Variants in VAV1 observed in about 807,000 individuals in gnomAD.
The protein encoded by VAV1 is proto-oncogene vav.
VAV1 carries 33 observed loss-of-function variants against 128.1 expected under a neutral mutation model. The ratio of observed to expected loss-of-function variants is 0.26; its 90% confidence interval spans 0.20 to 0.34. The LOEUF is 0.34. Ranked by LOEUF, VAV1 falls within the 10% of genes least tolerant of loss-of-function variation. The pLI is 1.00. For synonymous variants in VAV1, 394 were observed against 409.8 expected, an observed-to-expected ratio of 0.96 and a Z score of 0.47; for missense variants, 715 against 1,093.7, an observed-to-expected ratio of 0.65 and a Z score of 4.88.
At chr19:6,808,500 T>G (rs2144744303) in intron 1 of VAV1, among the ~76,000 whole-genome samples, 1 of 152,318 alleles carries the variant, frequency 6.6e-6, no homozygotes, top group East Asian at 1.9e-4. Flanking sequence ...TAATCTGAGC[T>G]TAATCAGTCC....
chr19:6,795,374 G>A (rs1025618814), intron 1 of VAV1, among the ~76,000 whole-genome samples: 1 of 152,030 alleles, frequency 6.6e-6, no homozygotes, highest in African/African-American at 2.4e-5. Context: ...TGTATCGCTC[G>A]CGAAATAGGA....
chr19:6,824,910 C>G (rs1971879589), intron 6 of VAV1, 143 bp from the exon 7 acceptor site: 1 of 891,130 alleles, frequency 1.1e-6, no homozygotes, highest in Admixed American at 1.9e-5. Context: ...AATAATTTCA[C>G]TGTGAACATT....
intron 14 of VAV1, among the ~76,000 whole-genome samples, chr19:6,830,628 C>T (rs970203125): frequency 4.6e-5 from 7 of 152,002 alleles, no homozygotes; most frequent in Admixed American, 2.6e-4. Context: ...TTAGTAGAGA[C>T]GAGGTTTCAC....
chr19:6,844,655 C>T (rs1028332648), intron 22 of VAV1, among the ~76,000 whole-genome samples: 3 of 152,102 alleles, frequency 2.0e-5, no homozygotes, highest in Non-Finnish European at 4.4e-5. Flanking sequence ...TTGCCGAGGT[C>T]TTAGAACACG....
rs1408439973 is a variant in VAV1 at position 6,850,661 on chromosome 19, T to C, written c.2130-9T>C. The C allele has an allele frequency of 3.7e-6, 6 of 1,613,848 alleles. No individual in the cohort carries two copies. Among genetic ancestry groups the C allele is most frequent in the African/African-American group, 1.3e-5 (1 of 74,870 alleles). On this transcript the variant is annotated splice_polypyrimidine_tract_variant and intron_variant, in intron 23 of 26. Transcript: ENST00000602142. Reference sequence around the variant, plus strand: ...CCAGACTCAGGGCCCGGTGACCATCTGGTTCCAGATATAACGTCGAGGTCA... The same window carrying C: ...CCAGACTCAGGGCCCGGTGACCATCCGGTTCCAGATATAACGTCGAGGTCA...
intron 7 of VAV1, 78 bp from the exon 8 acceptor site, chr19:6,825,225 G>A: frequency 6.3e-7 from 1 of 1,574,966 alleles, no homozygotes; most frequent in Non-Finnish European, 8.7e-7. Context: ...GCGGCATGGG[G>A]CGGGTGGATG....
At chr19:6,791,412 GAGGTCCTTGAGCTATCTCATCTCA>G (rs1172762392) in intron 1 of VAV1, among the ~76,000 whole-genome samples, 18 of 151,678 alleles carry the variant, frequency 1.2e-4, no homozygotes, top group Non-Finnish European at 1.8e-4. Flanking sequence ...TCCTCATCTC[GAGGTCCTTGAGCTATCTCATCTCA>G]AGGTCCTTGA....
chr19:6,821,935 C>G (rs1971799226), intron 4 of VAV1, 76 bp downstream of exon 4: 6 of 1,584,354 alleles, frequency 3.8e-6, no homozygotes, highest in Non-Finnish European at 3.5e-6. Context: ...GGGACATGGC[C>G]TTGCCCTCCG....
chr19:6,853,447 G>A (rs1972715634), intron 25 of VAV1, among the ~76,000 whole-genome samples: 1 of 151,834 alleles, frequency 6.6e-6, no homozygotes, highest in African/African-American at 2.4e-5. Context: ...TTTCTGGCTG[G>A]GTGCGGTGGC....
intron 19 of VAV1, among the ~76,000 whole-genome samples, chr19:6,834,952 G>A (rs938008826): frequency 2.0e-5 from 3 of 151,446 alleles, no homozygotes; most frequent in African/African-American, 7.3e-5. Flanking sequence ...AATTAGCGGG[G>A]TTCTTGCTTG....
At chr19:6,841,474 T>A (rs1404259953) in intron 21 of VAV1, among the ~76,000 whole-genome samples, 1 of 79,786 alleles carries the variant, frequency 1.3e-5, no homozygotes, top group Non-Finnish European at 3.3e-5. Flanking sequence ...ACTATTTTTC[T>A]TTTCTTTTTT....
chr19:6,822,217 A>G lies in VAV1; in HGVS notation c.450-4A>G, dbSNP rs1766158712. 1 of 1,574,042 alleles carries G rather than the reference A, an allele frequency of 6.4e-7. No individual in the cohort carries two copies. Among genetic ancestry groups the G allele is most frequent in the Non-Finnish European group, 8.6e-7 (1 of 1,160,324 alleles). On this transcript the variant is annotated splice_region_variant and splice_polypyrimidine_tract_variant and intron_variant, in intron 4 of 26. Coordinates refer to ENST00000602142, the MANE Select transcript of VAV1 (RefSeq NM_005428.4). This position sits in a 1 kb window ranked among gnomAD's most constrained non-coding sequence, Gnocchi z 5.9. ...CAAGGGATCCCTGACCTCACAACCC[A>G]CAGCGACACGGTGGAGGAGGATGAG...
At chr19:6,842,455 G>A (rs1463332091) in intron 21 of VAV1, among the ~76,000 whole-genome samples, 3 of 152,034 alleles carry the variant, frequency 2.0e-5, no homozygotes, top group Non-Finnish European at 2.9e-5. Flanking sequence ...GTATAGACAC[G>A]GCTGTGTTCC....
intron 23 of VAV1, among the ~76,000 whole-genome samples, chr19:6,848,752 T>C (rs963515190): frequency 6.6e-6 from 1 of 151,680 alleles, no homozygotes; most frequent in Non-Finnish European, 1.5e-5. Flanking sequence ...TTTTCTTTTT[T>C]TTTAACTTCC....
intron 14 of VAV1, 114 bp from the exon 15 acceptor site, chr19:6,831,977 G>A (rs1449418080): frequency 2.6e-6 from 2 of 778,822 alleles, no homozygotes; most frequent in East Asian, 2.6e-5. Context: ...TGGTGCTAGG[G>A]GCATAGAGAC....
chr19:6,842,404 C>G (rs1309690988), intron 21 of VAV1, among the ~76,000 whole-genome samples: 1 of 152,176 alleles, frequency 6.6e-6, no homozygotes, highest in Non-Finnish European at 1.5e-5. Flanking sequence ...TCAGCTCCGC[C>G]CCTGTAGTGC....
intron 6 of VAV1, 146 bp from the exon 7 acceptor site, chr19:6,824,907 T>G: frequency 1.1e-6 from 1 of 879,816 alleles, no homozygotes; most frequent in South Asian, 1.4e-5. Context: ...ATGAATAATT[T>G]CACTGTGAAC....
Position 6,833,227 on chromosome 19 carries a change from T to C in VAV1, c.1552T>C (p.Phe518Leu). 1 of 1,613,848 alleles carries C rather than the reference T, an allele frequency of 6.2e-7. No homozygotes were observed. The highest frequency in any genetic ancestry group is 8.5e-7 in the Non-Finnish European group (1 of 1,179,952). ...GAATGCCACCGCCAACGGGCATGAC[T>C]TCCAGATGTTCTCCTTTGAGGAGAC... ...PENATANGHD[F>L]QMFSFEETTS... The change falls in exon 16 of 27, where the codon TTC becomes CTC. Residue 518 changes from phenylalanine to leucine, a missense_variant. Coordinates refer to ENST00000602142, the MANE Select transcript of VAV1 (RefSeq NM_005428.4).
rs1236704725 is a variant in VAV1, at chr19:6,791,686, C to A, written c.204+18675C>A. On this transcript the variant is annotated intron_variant, in intron 1 of 26. Coordinates refer to ENST00000602142, the MANE Select transcript of VAV1 (RefSeq NM_005428.4). ...ATCTTTAGAGGGGGCCAGACCCATT[C>A]CAGACAGTAAACAAATAGACAAAAC... Among the ~76,000 whole-genome samples the A allele has an allele frequency of 2.0e-5, 3 of 152,120 alleles. No homozygotes were observed. In the South Asian group the frequency reaches 6.2e-4, roughly 32 times the overall value.
Sources: gnomAD v4.1 joint callset for allele counts (sites outside exome capture counted in the v4.1 genomes callset) on GRCh38, gnomAD v4.1.1 for gene constraint, Gnocchi (gnomAD v3.1) non-coding constraint, MANE v1.5 for transcripts, NCBI Gene and HGNC (gene_info 2026-07-23, HGNC 2026-07-21) for gene names.